The following SEMA6A variants were observed in gnomAD, a reference collection of about 807,000 sequenced individuals.
SEMA6A encodes the protein semaphorin 6A.
In SEMA6A, 25 loss-of-function variants were observed where a neutral mutation model predicts 96.8. The ratio of observed to expected loss-of-function variants is 0.26; its 90% CI spans 0.19 to 0.36. SEMA6A has a LOEUF of 0.36. SEMA6A is among the 10% of genes least tolerant of loss of function. The pLI, the probability that SEMA6A is intolerant of heterozygous loss-of-function variation, is 1.00. For synonymous variants in SEMA6A, 612 were observed against 518.0 expected (o/e 1.18, Z -2.46); for missense variants, 1,363 against 1,323.1 (o/e 1.03, Z -0.47).
intron 1 of SEMA6A, among the ~76,000 whole-genome samples, chr5:116,555,807 G>A (rs548305739): frequency 6.6e-6 from 1 of 152,206 alleles, no homozygotes; most frequent in South Asian, 2.1e-4. Context: ...ACTTCAGCTT[G>A]GGCAACAGGA....
intron 17 of SEMA6A, 90 bp from the exon 18 acceptor site, chr5:116,467,837 T>G: frequency 7.3e-7 from 1 of 1,360,680 alleles, no homozygotes; most frequent in Non-Finnish European, 1.0e-6. Context: ...ACACCCAAGC[T>G]GGCTGTAAGA....
At chr5:116,548,560 G>A (rs531199088) in intron 1 of SEMA6A, among the ~76,000 whole-genome samples, 1 of 152,272 alleles carries the variant, frequency 6.6e-6, no homozygotes, top group African/African-American at 2.4e-5. Context: ...AAAAGTTATT[G>A]TTGTGTTTAA....
chr5:116,505,658 A>G (rs1199063553), intron 1 of SEMA6A, among the ~76,000 whole-genome samples: 2 of 152,218 alleles, frequency 1.3e-5, no homozygotes, highest in African/African-American at 4.8e-5. Context: ...CTACAAGGAG[A>G]ATCTGAAACT....
intron 11 of SEMA6A, among the ~76,000 whole-genome samples, chr5:116,482,150 T>G (rs543206474): frequency 6.6e-6 from 1 of 152,288 alleles, no homozygotes; most frequent in South Asian, 2.1e-4. Flanking sequence ...ACAATACCCT[T>G]TACCTCTCCA....
chr5:116,493,327 G>A (rs560731474), intron 6 of SEMA6A, among the ~76,000 whole-genome samples: 1 of 152,272 alleles, frequency 6.6e-6, no homozygotes, highest in African/African-American at 2.4e-5. Flanking sequence ...AACAGGGATG[G>A]AATATTAAGT....
chr5:116,520,753 A>G (rs1758904645), intron 1 of SEMA6A, among the ~76,000 whole-genome samples: 1 of 152,192 alleles, frequency 6.6e-6, no homozygotes, highest in African/African-American at 2.4e-5. Flanking sequence ...AATATTCTCC[A>G]GGAATTTAGA....
At chr5:116,473,018 C>T (rs560848207) in intron 17 of SEMA6A, 55 bp downstream of exon 17, 296 of 1,553,934 alleles carry the variant, frequency 1.9e-4, no homozygotes, top group Non-Finnish European at 2.5e-4. Flanking sequence ...ATGAAATAGA[C>T]ATTCTCAGAT....
Position 116,491,811 on chromosome 5 carries a change from A to G in SEMA6A, c.464T>C (p.Phe155Ser). 6.2e-7 allele frequency: 1 copy of G among 1,612,960 alleles called. No homozygotes were observed. The highest frequency in any genetic ancestry group is 8.5e-7 in the Non-Finnish European group (1 of 1,179,016). ...GGCCATTCCGCTGAATTCATCCCCG[A>G]ATGGTTCCAATGTATCCATCTAAAT... is the stretch of plus-strand genomic sequence containing the variant. ...RNYKMDTLEP[F>S]GDEFSGMARC... The change falls in exon 7 of 19, where the codon TTC becomes TCC. Residue 155 changes from phenylalanine to serine, a missense_variant. This residue lies in a region of SEMA6A where 480 missense variants were observed against 559.5 expected (regional missense o/e 0.86). Transcript: ENST00000343348.
chr5:116,534,720 C>T (rs560316032), intron 1 of SEMA6A, among the ~76,000 whole-genome samples: 1 of 152,306 alleles, frequency 6.6e-6, no homozygotes, highest in South Asian at 2.1e-4. Flanking sequence ...GATGGTTGAT[C>T]TTTTGTCCCC....
At chr5:116,458,180 A>G (rs1049228361) in intron 18 of SEMA6A, among the ~76,000 whole-genome samples, 2 of 152,198 alleles carry the variant, frequency 1.3e-5, no homozygotes, top group East Asian at 1.9e-4. Context: ...TTTTCCACAT[A>G]ATGCAAACTA....
chr5:116,444,437 C>G lies in SEMA6A; in HGVS notation c.*2176G>C, dbSNP rs1754064148. On this transcript the variant is annotated 3_prime_UTR_variant, in exon 19 of 19. Coordinates refer to ENST00000343348, the MANE Select transcript of SEMA6A (RefSeq NM_020796.5). Reference sequence around the variant, plus strand: ...TCTTTTTTTGAATTCTTTTTAAAGACAAAACTAAACCCAGAAGATCGAACT... The same window carrying G: ...TCTTTTTTTGAATTCTTTTTAAAGAGAAAACTAAACCCAGAAGATCGAACT... 1.3e-5 allele frequency: 2 copies of G among 152,116 alleles called. No homozygotes were observed. The highest frequency in any genetic ancestry group is 4.1e-4 in the South Asian group (2 of 4,820). 9.4% of individuals were successfully genotyped at this position (152,116 alleles called of 1,614,324 possible).
At position 116,488,173 on chromosome 5, in the gene SEMA6A, C is replaced by A; in HGVS notation, c.679G>T (p.Asp227Tyr). The change falls in exon 9 of 19, where the codon GAT (aspartate) becomes TAT (tyrosine). Residue 227 changes from aspartate to tyrosine, a missense_variant. Asp to Tyr is a radical substitution (Grantham distance 160). Transcript: ENST00000343348. ...LKEPYFVQAVDYGDYIYFFFR... is the reference protein window; with the variant it reads ...LKEPYFVQAVYYGDYIYFFFR... ...AAGAAGTAGATATAATCTCCGTAAT[C>A]CACGGCTTGAACAAAGTATGGTTCT... The A allele has an allele frequency of 6.2e-7, 1 of 1,611,332 alleles. No individual in the cohort carries two copies. Among genetic ancestry groups the A allele is most frequent in the Non-Finnish European group, 8.5e-7 (1 of 1,178,540 alleles).
At chr5:116,554,704 C>T (rs1426529664) in intron 1 of SEMA6A, 1 of 152,166 alleles carries the variant, frequency 6.6e-6, no homozygotes, top group Admixed American at 6.6e-5. Context: ...TATATACATA[C>T]AAGCATATAT....
Position 116,477,893 on chromosome 5 carries a change from T to C in SEMA6A, c.1602A>G (p.Gly534=). 1.9e-6 allele frequency: 3 copies of C among 1,613,970 alleles called. No homozygotes were observed. Among genetic ancestry groups the C allele is most frequent in the Non-Finnish European group, 2.5e-6 (3 of 1,179,850 alleles). The change falls in exon 15 of 19, where the codon GGA becomes GGG. Residue 534 remains glycine (G), a synonymous_variant. Transcript: ENST00000343348. ...TGCAGGCACCACCTTCCTTTATCCA[T>C]CCACAATATGGGTCTCTGGAGGCAA... is the stretch of plus-strand genomic sequence containing the variant. ...TCIASRDPYC[G]WIKEGGACSH...
chr5:116,560,733 A>G (rs1315416591), intron 1 of SEMA6A, among the ~76,000 whole-genome samples: 1 of 152,042 alleles, frequency 6.6e-6, no homozygotes, highest in Non-Finnish European at 1.5e-5. Context: ...AGAATCCCAA[A>G]TAAAATCACC....
chr5:116,512,965 T>C (rs1314500175), intron 1 of SEMA6A, among the ~76,000 whole-genome samples: 5 of 152,210 alleles, frequency 3.3e-5, no homozygotes, highest in Non-Finnish European at 5.9e-5. Context: ...TTGTTTGTTG[T>C]TGGCTTAAAG....
rs116296437 is a variant in SEMA6A, at chr5:116,501,951, C to T, written c.218+259G>A. 1.6e-3 allele frequency among the ~76,000 whole-genome samples: 251 copies of T among 152,256 alleles called. 2 individuals carry two copies. The highest frequency in any genetic ancestry group is 6.0e-3 in the African/African-American group (248 of 41,548). ...TAATGGGTGCTTGAATAAATATTTG[C>T]ATATATGTTCAAGATAAACAGTGGA... is the stretch of plus-strand genomic sequence containing the variant. On this transcript the variant is annotated intron_variant, in intron 3 of 18. Transcript: ENST00000343348.
intron 1 of SEMA6A, among the ~76,000 whole-genome samples, chr5:116,529,145 G>A (rs917101367): frequency 9.2e-5 from 14 of 152,048 alleles, no homozygotes; most frequent in African/African-American, 2.2e-4. Flanking sequence ...TGTTTAGTGT[G>A]AATAGGGATT....
At chr5:116,555,244 T>A (rs933830191) in intron 1 of SEMA6A, among the ~76,000 whole-genome samples, 3 of 152,206 alleles carry the variant, frequency 2.0e-5, no homozygotes, top group Non-Finnish European at 1.5e-5. Flanking sequence ...CTTGTTTGCT[T>A]GAGAGCTAAT....
Sources: gnomAD v4.1 joint callset for allele counts (sites outside exome capture counted in the v4.1 genomes callset) on GRCh38, gnomAD v4.1.1 for gene constraint, gnomAD v4.1.1 regional missense constraint, MANE v1.5 for transcripts, NCBI Gene and HGNC (gene_info 2026-07-23, HGNC 2026-07-21) for gene names.